The following PCCA variants were observed in gnomAD, a reference collection of about 807,000 sequenced individuals.
PCCA encodes the protein propionyl-CoA carboxylase subunit alpha, also known as propionyl-CoA carboxylase alpha chain, mitochondrial.
Under a neutral mutation model 101.3 loss-of-function variants are expected in PCCA, and 74 were observed. That is an observed-to-expected ratio of 0.73 (90% CI 0.61 to 0.89). The LOEUF is 0.89. Among genes scored for constraint, PCCA ranks in the 40% least tolerant of loss-of-function variants. The pLI is 0.00. For missense variants in PCCA, 891 were observed against 907.0 expected (o/e 0.98, Z 0.23); for synonymous variants, 294 against 313.6 (o/e 0.94, Z 0.66).
Position 100,268,801 on chromosome 13 carries a change from C to G in PCCA, c.914+18C>G. ...GCACCAAGGTAAGTCTCCTAAGAAA[C>G]ATTTATAAAGCGGCTGCTTTTATGC... is the stretch of plus-strand genomic sequence containing the variant. On this transcript the variant is annotated intron_variant, in intron 11 of 23. Transcript: ENST00000376285. The G allele has an allele frequency of 6.4e-7, 1 of 1,560,208 alleles. No individual in the cohort carries two copies. Among genetic ancestry groups the G allele is most frequent in the African/African-American group, 1.3e-5 (1 of 74,110 alleles).
intron 4 of PCCA, among the ~76,000 whole-genome samples, chr13:100,137,060 A>G (rs2051271129): frequency 6.6e-6 from 1 of 151,284 alleles, no homozygotes; most frequent in African/African-American, 2.4e-5. Context: ...ATTTTTTTTT[A>G]TATATTGTGT....
At chr13:100,262,194 A>G (rs1349784320) in intron 9 of PCCA, among the ~76,000 whole-genome samples, 1 of 152,016 alleles carries the variant, frequency 6.6e-6, no homozygotes, top group Non-Finnish European at 1.5e-5. Flanking sequence ...GGAGTTCAAG[A>G]CCATCCTGGC....
At chr13:100,503,068 T>C (rs2085798123) in intron 21 of PCCA, among the ~76,000 whole-genome samples, 1 of 152,158 alleles carries the variant, frequency 6.6e-6, no homozygotes, top group South Asian at 2.1e-4. Flanking sequence ...GAGGATACTC[T>C]CCCACTGGAG....
intron 19 of PCCA, among the ~76,000 whole-genome samples, chr13:100,423,722 C>G (rs2078969118): frequency 6.6e-6 from 1 of 152,206 alleles, no homozygotes; most frequent in African/African-American, 2.4e-5. Flanking sequence ...GGATCTTGGC[C>G]TCTGTTGGTT....
At chr13:100,277,320 AT>A (rs2063736124) in intron 12 of PCCA, among the ~76,000 whole-genome samples, 1 of 152,116 alleles carries the variant, frequency 6.6e-6, no homozygotes, top group Non-Finnish European at 1.5e-5. Flanking sequence ...AGTATAGCTT[AT>A]ATTCATAGTC....
intron 22 of PCCA, among the ~76,000 whole-genome samples, chr13:100,520,506 G>A (rs1187410393): frequency 3.3e-5 from 5 of 151,632 alleles, no homozygotes; most frequent in South Asian, 4.1e-4. Flanking sequence ...GCAGTGGCGG[G>A]CGCCTGTAGT....
intron 4 of PCCA, among the ~76,000 whole-genome samples, chr13:100,113,321 T>C (rs1038777579): frequency 6.6e-6 from 1 of 151,980 alleles, no homozygotes; most frequent in Non-Finnish European, 1.5e-5. Context: ...GTATAAAAGA[T>C]AAAAAATGGT....
At chr13:100,103,691 A>G (rs887302682) in intron 2 of PCCA, among the ~76,000 whole-genome samples, 9 of 151,932 alleles carry the variant, frequency 5.9e-5, no homozygotes, top group Non-Finnish European at 8.8e-5. Context: ...GCTGGAGTAC[A>G]GTGGTGTGAT....
intron 4 of PCCA, among the ~76,000 whole-genome samples, chr13:100,136,413 C>T (rs962909222): frequency 6.6e-6 from 1 of 152,036 alleles, no homozygotes; most frequent in Non-Finnish European, 1.5e-5. Context: ...CTCAAACTCC[C>T]AACCTCAGGT....
At chr13:100,325,910 G>C (rs1044436525) in intron 16 of PCCA, among the ~76,000 whole-genome samples, 2 of 152,002 alleles carry the variant, frequency 1.3e-5, no homozygotes, top group Non-Finnish European at 2.9e-5. Context: ...CGAAGGTGTC[G>C]AAGTGGCCTG....
intron 7 of PCCA, among the ~76,000 whole-genome samples, chr13:100,229,264 C>G (rs1035402921): frequency 1.3e-5 from 2 of 152,210 alleles, no homozygotes; most frequent in African/African-American, 4.8e-5. Context: ...CAGTATTTCA[C>G]TGAGTGCACC....
At chr13:100,527,246 A>G in intron 22 of PCCA, 1 of 464,704 alleles carries the variant, frequency 2.2e-6, no homozygotes, top group South Asian at 1.6e-5. Context: ...TCACTCTCAA[A>G]AGAAACCCTG....
chr13:100,329,742 CAAG>C (rs1215940062), intron 16 of PCCA, among the ~76,000 whole-genome samples: 1 of 152,022 alleles, frequency 6.6e-6, no homozygotes, highest in Admixed American at 6.6e-5. Flanking sequence ...ATGGCTGGAC[CAAG>C]AAGAAGCTCC....
intron 18 of PCCA, among the ~76,000 whole-genome samples, chr13:100,353,926 C>T (rs1428915506): frequency 6.6e-6 from 1 of 151,854 alleles, no homozygotes; most frequent in African/African-American, 2.4e-5. Flanking sequence ...GTACTCCTGC[C>T]TGGGTGGCAA....
chr13:100,507,299 C>T (rs1247316772), intron 21 of PCCA, among the ~76,000 whole-genome samples: 2 of 152,194 alleles, frequency 1.3e-5, no homozygotes, highest in African/African-American at 4.8e-5. Flanking sequence ...ACTTGTTAGA[C>T]AGCTTGGGGG....
At chr13:100,495,536 A>G (rs2152984671) in intron 21 of PCCA, among the ~76,000 whole-genome samples, 1 of 152,332 alleles carries the variant, frequency 6.6e-6, no homozygotes, top group African/African-American at 2.4e-5. Context: ...ATTTGTAAAG[A>G]AGCTCAGTAT....
intron 18 of PCCA, among the ~76,000 whole-genome samples, chr13:100,347,966 A>G (rs1208576829): frequency 1.3e-5 from 2 of 152,184 alleles, no homozygotes; most frequent in African/African-American, 4.8e-5. Flanking sequence ...AATCTTGTGT[A>G]GCTAAGTGAA....
chr13:100,369,418 GA>G (rs1234525549), intron 19 of PCCA, among the ~76,000 whole-genome samples: 2 of 152,194 alleles, frequency 1.3e-5, no homozygotes, highest in Non-Finnish European at 2.9e-5. Context: ...TGTGGCTTGA[GA>G]GGGGTACGGC....
intron 21 of PCCA, among the ~76,000 whole-genome samples, chr13:100,484,962 G>A (rs2084257235): frequency 6.6e-6 from 1 of 152,178 alleles, no homozygotes; most frequent in African/African-American, 2.4e-5. Context: ...TAGAAATATA[G>A]GCCTGAGACG....
Sources: allele counts gnomAD v4.1 joint callset (sites outside exome capture counted in the v4.1 genomes callset), GRCh38; gene constraint gnomAD v4.1.1; transcripts MANE v1.5; gene names NCBI Gene and HGNC (gene_info 2026-07-23, HGNC 2026-07-21).